The following CFAP47 variants were observed in gnomAD, a reference collection of about 807,000 sequenced individuals.
CFAP47 encodes the protein cilia and flagella associated protein 47, also known as cilia- and flagella-associated protein 47.
CFAP47 carries 29 observed loss-of-function variants against 148.1 expected under a neutral mutation model. That is an observed-to-expected ratio of 0.20 (90% CI 0.15 to 0.27). The LOEUF (loss-of-function observed/expected upper bound fraction) is 0.27, where lower values mean the gene tolerates loss of function less well. Ranked by LOEUF, CFAP47 falls within the 10% of genes least tolerant of loss-of-function variation. The pLI is 1.00. For missense variants in CFAP47, 1,872 were observed against 1,697.5 expected (o/e 1.10, Z -1.81); for synonymous variants, 664 against 577.3 (o/e 1.15, Z -2.15).
At chrX:36,169,042 A>G (rs1032898840) in intron 39 of CFAP47, among the ~76,000 whole-genome samples, 1 of 110,777 alleles carries the variant, frequency 9.0e-6, no homozygotes, top group Admixed American at 9.6e-5. Context: ...TTTTTTCTGT[A>G]TACATTGTAC....
At position 36,306,487 on chromosome X, in the gene CFAP47, C is replaced by T. The variant is rs189898368; in HGVS notation, c.8083-285C>T. Among the ~76,000 whole-genome samples, 362 of 110,988 alleles carry T rather than the reference C, an allele frequency of 3.3e-3. 3 individuals are homozygous for T. The highest frequency in any genetic ancestry group is 0.011 in the African/African-American group (339 of 30,620). On this transcript the variant is annotated intron_variant, in intron 54 of 63. Coordinates refer to ENST00000378653, the MANE Select transcript of CFAP47 (RefSeq NM_001304548.2). ...GTGTATATGTCTTTTATTGAAGGTT[C>T]GAACTGAGCTTTAAAAATTAACCCT...
At chrX:36,177,689 T>G (rs745760555) in intron 39 of CFAP47, among the ~76,000 whole-genome samples, 1 of 112,498 alleles carries the variant, frequency 8.9e-6, no homozygotes, top group South Asian at 3.6e-4. Context: ...AATTCTTATA[T>G]GAAAGCATCA....
chrX:36,345,600 T>C (rs1041405383), intron 57 of CFAP47, among the ~76,000 whole-genome samples: 19 of 111,720 alleles, frequency 1.7e-4, no homozygotes, highest in African/African-American at 5.9e-4. Context: ...GGACCCCTGG[T>C]TTAGTTATCT....
rs994603634 is a variant in CFAP47 at position 35,963,563 on chromosome X, T to C, written c.1411-3002T>C. ...GTAAATGTGTGCCAATCCATTTATA[T>C]GTAATGTAACTACTAGTAACATAGG... On this transcript the variant is annotated intron_variant, in intron 8 of 63. Coordinates refer to ENST00000378653, the MANE Select transcript of CFAP47 (RefSeq NM_001304548.2). 2.7e-5 allele frequency among the ~76,000 whole-genome samples: 3 copies of C among 111,185 alleles called. No homozygotes were observed. The Admixed American group carries it at 2.9e-4, about 11-fold the overall frequency.
chrX:36,263,706 C>T (rs1236194334), intron 49 of CFAP47, among the ~76,000 whole-genome samples: 3 of 111,464 alleles, frequency 2.7e-5, no homozygotes, highest in Non-Finnish European at 5.7e-5. Flanking sequence ...TTGCCCAGGG[C>T]GAGTCCAGAA....
chrX:36,210,878 C>A (rs1275565290), intron 45 of CFAP47, among the ~76,000 whole-genome samples: 3 of 112,487 alleles, frequency 2.7e-5, no homozygotes, highest in African/African-American at 9.7e-5. Context: ...ATGTTAATAT[C>A]TGTATATCCT....
chrX:35,992,352 T>C lies in CFAP47; in HGVS notation c.2967+409T>C, dbSNP rs553706078. ...GAGAGAGTATGTTTATGGTTGTTGC[T>C]CCTGATTTAAATGGAAAGAGGAGCA... On this transcript the variant is annotated intron_variant, in intron 17 of 63. Coordinates refer to ENST00000378653, the MANE Select transcript of CFAP47 (RefSeq NM_001304548.2). Among the ~76,000 whole-genome samples, 120 of 110,898 alleles carry C rather than the reference T, an allele frequency of 1.1e-3. No individual in the cohort carries two copies. In the South Asian group the frequency reaches 0.015, roughly 14 times the overall value.
rs903428265 is a variant in CFAP47 at position 36,228,884 on chromosome X, T to C, written c.7014+60T>C. Reference sequence around the variant, plus strand: ...CATATTGCCACTGTGTCAATTAAAGTCCTCCAGACCTCTCATCTTGGACTA... The same window carrying C: ...CATATTGCCACTGTGTCAATTAAAGCCCTCCAGACCTCTCATCTTGGACTA... On this transcript the variant is annotated intron_variant, in intron 46 of 63. Coordinates refer to ENST00000378653, the MANE Select transcript of CFAP47 (RefSeq NM_001304548.2). 5.2e-5 allele frequency: 25 copies of C among 478,953 alleles called. No individual in the cohort carries two copies. The Admixed American group carries it at 8.0e-4, about 15-fold the overall frequency. The allele number at this position is 478,953 out of a possible 1,213,427, so 39.5% of individuals were successfully genotyped here.
chrX:36,367,617 A>G (rs782142410), intron 62 of CFAP47, among the ~76,000 whole-genome samples: 1 of 112,074 alleles, frequency 8.9e-6, no homozygotes, highest in Non-Finnish European at 1.9e-5. Flanking sequence ...GAGGTACAGC[A>G]TACATAACGT....
chrX:36,147,632 T>C (rs1450495341), intron 36 of CFAP47, among the ~76,000 whole-genome samples: 2 of 110,639 alleles, frequency 1.8e-5, no homozygotes, highest in East Asian at 5.6e-4. Flanking sequence ...GCCCCCATTA[T>C]TGATGTCTTT....
chrX:36,302,562 T>A (rs1255380415), intron 53 of CFAP47, among the ~76,000 whole-genome samples: 2 of 111,746 alleles, frequency 1.8e-5, no homozygotes, highest in African/African-American at 6.5e-5. Flanking sequence ...CAAGAAACAG[T>A]AAAGAGATAT....
chrX:36,369,073 A>G (rs1289544306), intron 62 of CFAP47, among the ~76,000 whole-genome samples: 1 of 111,427 alleles, frequency 9.0e-6, no homozygotes, highest in African/African-American at 3.3e-5. Flanking sequence ...TAAAATTAGA[A>G]GTAGTCTGTT....
intron 8 of CFAP47, among the ~76,000 whole-genome samples, chrX:35,966,073 A>C (rs144588565): frequency 0.017 from 1,809 of 108,384 alleles, 43 homozygotes; most frequent in African/African-American, 0.057. Context: ...AGGTTTTTGG[A>C]AGTCCTTAAT....
At chrX:36,107,137 A>G (rs1938479551) in intron 33 of CFAP47, among the ~76,000 whole-genome samples, 2 of 111,945 alleles carry the variant, frequency 1.8e-5, no homozygotes, top group African/African-American at 3.2e-5. Flanking sequence ...AAAACTGTCT[A>G]TTTAAAAATA....
chrX:36,364,919 TA>T (rs1941860535), intron 61 of CFAP47, among the ~76,000 whole-genome samples: 1 of 71,342 alleles, frequency 1.4e-5, no homozygotes, highest in Non-Finnish European at 2.3e-5. Context: ...TATATATATA[TA>T]TATATATATA....
intron 48 of CFAP47, among the ~76,000 whole-genome samples, chrX:36,241,531 T>C (rs1010678980): frequency 2.3e-4 from 26 of 112,104 alleles, no homozygotes; most frequent in African/African-American, 6.5e-4. Context: ...GGCTGAGTGC[T>C]TTGCTCCAAC....
intron 2 of CFAP47, among the ~76,000 whole-genome samples, chrX:35,936,277 G>T (rs6632407): frequency 9.1e-6 from 1 of 110,161 alleles, no homozygotes; most frequent in Non-Finnish European, 1.9e-5. Context: ...TTTATCTTCT[G>T]TTATCTCCAT....
Position 36,061,290 on chromosome X carries a change from C to G in CFAP47, c.4218-4353C>G, listed in dbSNP as rs1343720800. 1.3e-4 allele frequency among the ~76,000 whole-genome samples: 14 copies of G among 111,657 alleles called. No homozygotes were observed. The Admixed American group carries it at 1.3e-3, about 11-fold the overall frequency. On this transcript the variant is annotated intron_variant, in intron 26 of 63. Coordinates refer to ENST00000378653, the MANE Select transcript of CFAP47 (RefSeq NM_001304548.2). Reference sequence around the variant, plus strand: ...GTGCAGAACTGTGAGTCTATTAAACCTTTTTCTTCATAAATTGCCCAACCT... The same window carrying G: ...GTGCAGAACTGTGAGTCTATTAAACGTTTTTCTTCATAAATTGCCCAACCT...
intron 37 of CFAP47, among the ~76,000 whole-genome samples, chrX:36,151,934 T>C (rs777508083): frequency 2.0e-4 from 22 of 111,525 alleles, no homozygotes; most frequent in Non-Finnish European, 2.6e-4. Flanking sequence ...GCTTGCTTTC[T>C]AGTTCATAGA....
Sources: gnomAD v4.1 joint callset for allele counts (sites outside exome capture counted in the v4.1 genomes callset) on GRCh38, gnomAD v4.1.1 for gene constraint, MANE v1.5 for transcripts, NCBI Gene and HGNC (gene_info 2026-07-23, HGNC 2026-07-21) for gene names.